Variants in FSTL5 observed in about 807,000 individuals in gnomAD.
FSTL5 encodes follistatin-related protein 5.
Under a neutral mutation model 89.1 loss-of-function variants are expected in FSTL5, and 62 were observed. That is an observed-to-expected ratio of 0.70 (90% CI 0.57 to 0.86). FSTL5 has a LOEUF of 0.86. FSTL5 is among the 40% of genes least tolerant of loss of function. The probability of loss-of-function intolerance (pLI) is 0.00; values close to 1 mark genes in which losing one functional copy is unlikely to be tolerated. For synonymous variants in FSTL5, 383 were observed against 346.2 expected, an observed-to-expected ratio of 1.11 and a Z score of -1.18; for missense variants, 1,057 against 1,001.6, an observed-to-expected ratio of 1.06 and a Z score of -0.75.
At chr4:161,809,671 C>G (rs962390594) in intron 4 of FSTL5, among the ~76,000 whole-genome samples, 19 of 152,172 alleles carry the variant, frequency 1.2e-4, no homozygotes, top group Admixed American at 5.9e-4. Flanking sequence ...AACATTCTGA[C>G]ATACGCTACA....
chr4:161,423,979 C>T (rs1284699097), intron 15 of FSTL5, among the ~76,000 whole-genome samples: 2 of 150,816 alleles, frequency 1.3e-5, no homozygotes, highest in Non-Finnish European at 2.9e-5. Flanking sequence ...GCCTCAGCCT[C>T]CCAAGTAGTT....
chr4:161,778,327 G>A (rs1434623), intron 4 of FSTL5, among the ~76,000 whole-genome samples: 112,480 of 152,098 alleles, frequency 0.74, 41,601 homozygotes, highest in Admixed American at 0.76. Flanking sequence ...TAGGTTTTAT[G>A]TTAGTTGAGA....
intron 1 of FSTL5, among the ~76,000 whole-genome samples, chr4:162,115,381 G>C (rs1731598965): frequency 6.6e-6 from 1 of 152,106 alleles, no homozygotes; most frequent in Admixed American, 6.5e-5. Context: ...TCCACAGAAA[G>C]TGTTCTGGAA....
At chr4:161,923,169 C>G (rs184071876) in intron 3 of FSTL5, among the ~76,000 whole-genome samples, 1 of 151,850 alleles carries the variant, frequency 6.6e-6, no homozygotes, top group Non-Finnish European at 1.5e-5. Flanking sequence ...ATTTACTTTG[C>G]TTCTATGTTT....
chr4:161,688,749 T>C (rs550946076), intron 6 of FSTL5, among the ~76,000 whole-genome samples: 1 of 152,218 alleles, frequency 6.6e-6, no homozygotes, highest in Non-Finnish European at 1.5e-5. Context: ...CTTTATATAA[T>C]GAATGGCATC....
intron 6 of FSTL5, among the ~76,000 whole-genome samples, chr4:161,737,324 C>T (rs967081992): frequency 2.0e-4 from 31 of 151,700 alleles, no homozygotes; most frequent in Non-Finnish European, 4.4e-5. Flanking sequence ...ATTGTGGTCT[C>T]GTACTGAGGA....
At chr4:161,546,187 C>G (rs1374772320) in intron 8 of FSTL5, among the ~76,000 whole-genome samples, 1 of 149,872 alleles carries the variant, frequency 6.7e-6, no homozygotes. Flanking sequence ...AAAATCATAG[C>G]CACAATAAAG....
intron 4 of FSTL5, among the ~76,000 whole-genome samples, chr4:161,897,198 A>C (rs1300903178): frequency 6.6e-6 from 1 of 151,946 alleles, no homozygotes; most frequent in Non-Finnish European, 1.5e-5. Flanking sequence ...AATATTATTG[A>C]GAAAATAAAT....
intron 15 of FSTL5, among the ~76,000 whole-genome samples, chr4:161,403,756 A>G (rs1560877726): frequency 6.6e-6 from 1 of 152,206 alleles, no homozygotes; most frequent in Non-Finnish European, 1.5e-5. Flanking sequence ...AAAAATATCT[A>G]CAGATTTCAC....
Position 161,679,817 on chromosome 4 carries a change from A to G in FSTL5, c.728-23323T>C, listed in dbSNP as rs1379745731. On this transcript the variant is annotated intron_variant, in intron 6 of 15. Transcript: ENST00000306100. ...GCTAGGTACTCTTCTCACGTGTGTA[A>G]TCAATTTTTTGAAACAATGAAGGGT... Among the ~76,000 whole-genome samples, 5 of 151,924 alleles carry G rather than the reference A, an allele frequency of 3.3e-5. No individual in the cohort carries two copies. In the East Asian group the frequency reaches 9.7e-4, roughly 29 times the overall value.
At chr4:161,386,875 T>C (rs1180852142) in intron 15 of FSTL5, 1 of 160,414 alleles carries the variant, frequency 6.2e-6, no homozygotes, top group African/African-American at 2.4e-5. Context: ...TTACTTCTTA[T>C]ATTGTTTTTT....
chr4:161,841,224 G>A (rs776104867), intron 4 of FSTL5, among the ~76,000 whole-genome samples: 1 of 152,072 alleles, frequency 6.6e-6, no homozygotes, highest in African/African-American at 2.4e-5. Context: ...TTTCCTGCCA[G>A]AATCTGATTG....
chr4:161,843,654 T>C (rs963293372), intron 4 of FSTL5, among the ~76,000 whole-genome samples: 8 of 152,114 alleles, frequency 5.3e-5, no homozygotes, highest in African/African-American at 1.4e-4. Context: ...TCTACAACTA[T>C]CTGATCTTTG....
At chr4:161,463,817 G>A (rs1378101123) in intron 13 of FSTL5, among the ~76,000 whole-genome samples, 1 of 152,060 alleles carries the variant, frequency 6.6e-6, no homozygotes, top group African/African-American at 2.4e-5. Context: ...CTTGACTGCC[G>A]TCTTCCTCCC....
chr4:161,707,278 A>G (rs1489946225), intron 6 of FSTL5, among the ~76,000 whole-genome samples: 1 of 151,910 alleles, frequency 6.6e-6, no homozygotes, highest in Non-Finnish European at 1.5e-5. Flanking sequence ...TGAAATTTAA[A>G]TATAGTTTCT....
chr4:161,818,198 G>A (rs1730386854), intron 4 of FSTL5, among the ~76,000 whole-genome samples: 1 of 152,164 alleles, frequency 6.6e-6, no homozygotes, highest in African/African-American at 2.4e-5. Flanking sequence ...ACCAGTAGAA[G>A]CAGTAGATAC....
At chr4:161,721,308 ATTTTTCT>A (rs1560808535) in intron 6 of FSTL5, among the ~76,000 whole-genome samples, 24 of 137,852 alleles carry the variant, frequency 1.7e-4, no homozygotes, top group East Asian at 1.1e-3. Context: ...AAAAAAAAAA[ATTTTTCT>A]AAGAAGGTAG....
At chr4:161,505,509 A>C (rs10026256) in intron 11 of FSTL5, among the ~76,000 whole-genome samples, 2,604 of 152,224 alleles carry the variant, frequency 0.017, 68 homozygotes, top group African/African-American at 0.058. Flanking sequence ...AAAACCAGTC[A>C]TTTTGAGTAA....
chr4:161,482,501 A>T (rs1410040960), intron 12 of FSTL5, among the ~76,000 whole-genome samples: 1 of 152,108 alleles, frequency 6.6e-6, no homozygotes, highest in East Asian at 1.9e-4. Flanking sequence ...TCTATATAAA[A>T]CCATTAGTTT....
Sources: gnomAD v4.1 joint callset for allele counts (sites outside exome capture counted in the v4.1 genomes callset) on GRCh38, gnomAD v4.1.1 for gene constraint, MANE v1.5 for transcripts, NCBI Gene and HGNC (gene_info 2026-07-23, HGNC 2026-07-21) for gene names.